Variants in PHLDB2 observed in about 807,000 individuals in gnomAD.
The protein encoded by PHLDB2 is pleckstrin homology-like domain family B member 2.
PHLDB2 carries 71 observed loss-of-function variants against 123.6 expected under a neutral mutation model. The observed-to-expected ratio is 0.57, with a 90% CI of 0.47 to 0.70. PHLDB2 has a LOEUF of 0.70. Among genes scored for constraint, PHLDB2 ranks in the 30% least tolerant of loss-of-function variants. The pLI, the probability that PHLDB2 is intolerant of heterozygous loss-of-function variation, is 0.00. For missense variants in PHLDB2, 1,446 were observed against 1,519.5 expected, an observed-to-expected ratio of 0.95 and a Z score of 0.80; for synonymous variants, 547 against 541.6, an observed-to-expected ratio of 1.01 and a Z score of -0.14.
intron 1 of PHLDB2, among the ~76,000 whole-genome samples, chr3:111,763,044 T>C (rs1013275069): frequency 6.6e-6 from 1 of 152,214 alleles, no homozygotes; most frequent in African/African-American, 2.4e-5. Context: ...TCCTTGCATG[T>C]CTCCCAGCAC....
chr3:111,766,821 T>A (rs1487335769), intron 1 of PHLDB2, among the ~76,000 whole-genome samples: 1 of 151,926 alleles, frequency 6.6e-6, no homozygotes, highest in African/African-American at 2.4e-5. Flanking sequence ...ACACCTGAGA[T>A]CAGGAGTTCA....
intron 2 of PHLDB2, among the ~76,000 whole-genome samples, chr3:111,912,013 C>CT (rs2067911106): frequency 6.6e-6 from 1 of 152,188 alleles, no homozygotes; most frequent in Non-Finnish European, 1.5e-5. Flanking sequence ...TCCAGTGATG[C>CT]TTAATATTTT....
intron 1 of PHLDB2, among the ~76,000 whole-genome samples, chr3:111,830,212 T>C (rs2062876444): frequency 6.6e-6 from 1 of 152,282 alleles, no homozygotes; most frequent in South Asian, 2.1e-4. Context: ...TCTATCAGAT[T>C]AGTGGTGGCA....
chr3:111,871,664 A>ACAAAC (rs11413311), intron 1 of PHLDB2, among the ~76,000 whole-genome samples: 1 of 151,858 alleles, frequency 6.6e-6, no homozygotes, highest in African/African-American at 2.4e-5. Context: ...AAACAAACAA[A>ACAAAC]AAAAACTCCA....
At position 111,859,324 on chromosome 3, in the gene PHLDB2, A is replaced by G. The variant is rs1465302303; in HGVS notation, c.-267A>G. 7.1e-6 allele frequency: 7 copies of G among 985,582 alleles called. 1 individual carries two copies. The African/African-American group carries it at 1.2e-4, about 17-fold the overall frequency. 61.1% of individuals were successfully genotyped at this position (985,582 alleles called of 1,614,324 possible). A position where few individuals can be genotyped will look rare whatever the true frequency, so the allele number is the denominator to read the frequency against. On this transcript the variant is annotated 5_prime_UTR_variant, in exon 1 of 18. It removes an upstream start codon present in the reference 5' UTR. Coordinates refer to ENST00000431670, the MANE Select transcript of PHLDB2 (RefSeq NM_001134438.2). Reference sequence around the variant, plus strand: ...GCGCCCAGTGATGGGGCAAACAGCCATGCCCTTCCAGCAGCCGTGAAAGCC... The same window carrying G: ...GCGCCCAGTGATGGGGCAAACAGCCGTGCCCTTCCAGCAGCCGTGAAAGCC...
intron 13 of PHLDB2, 107 bp downstream of exon 13, chr3:111,962,419 G>A: frequency 4.3e-6 from 4 of 934,262 alleles, no homozygotes; most frequent in Non-Finnish European, 4.8e-6. Context: ...CCAAATTTTT[G>A]AGACATAAAG....
intron 12 of PHLDB2, 123 bp from the exon 13 acceptor site, chr3:111,961,985 A>C (rs1249154703): frequency 1.1e-6 from 1 of 907,502 alleles, no homozygotes. Context: ...CTTCAAAACA[A>C]ATTAGACCAA....
At chr3:111,917,192 A>G (rs576122049) in intron 3 of PHLDB2, 18 of 152,306 alleles carry the variant, frequency 1.2e-4, no homozygotes, top group African/African-American at 4.3e-4. Flanking sequence ...CATTTCCTAG[A>G]TGGCATTTAT....
intron 1 of PHLDB2, among the ~76,000 whole-genome samples, chr3:111,815,975 G>C (rs1037193610): frequency 6.6e-6 from 1 of 152,196 alleles, no homozygotes; most frequent in African/African-American, 2.4e-5. Flanking sequence ...AGCCAACATA[G>C]AGCTTGGGCC....
chr3:111,961,268 T>C (rs928671949), intron 12 of PHLDB2, among the ~76,000 whole-genome samples: 1 of 152,056 alleles, frequency 6.6e-6, no homozygotes, highest in African/African-American at 2.4e-5. Context: ...GAGGTGGAGG[T>C]TGCAGTGAGC....
At chr3:111,876,223 G>T (rs1306158740) in intron 1 of PHLDB2, among the ~76,000 whole-genome samples, 2 of 152,130 alleles carry the variant, frequency 1.3e-5, no homozygotes, top group African/African-American at 4.8e-5. Flanking sequence ...AAATGAGGAA[G>T]GGGGTGCTAG....
At chr3:111,925,073 C>T (rs1250283488) in intron 5 of PHLDB2, among the ~76,000 whole-genome samples, 1 of 152,142 alleles carries the variant, frequency 6.6e-6, no homozygotes, top group Non-Finnish European at 1.5e-5. Context: ...AGGTGATCTG[C>T]CTGCCTTGGC....
chr3:111,817,102 C>T (rs144171149), intron 1 of PHLDB2, among the ~76,000 whole-genome samples: 1 of 152,278 alleles, frequency 6.6e-6, no homozygotes, highest in East Asian at 1.9e-4. Context: ...GTCCAATAAA[C>T]CTATTTCTTT....
upstream of PHLDB2, among the ~76,000 whole-genome samples, chr3:111,858,301 T>G: frequency 6.6e-6 from 1 of 150,764 alleles, no homozygotes; most frequent in African/African-American, 2.4e-5. Flanking sequence ...TGAGGCCTGT[T>G]GGGGGGTGGG....
chr3:111,769,667 T>G (rs2060141145), intron 1 of PHLDB2, among the ~76,000 whole-genome samples: 1 of 152,224 alleles, frequency 6.6e-6, no homozygotes. Context: ...GGTCTAAAAG[T>G]GCACTTTGTA....
intron 1 of PHLDB2, among the ~76,000 whole-genome samples, chr3:111,745,721 C>G (rs1438364175): frequency 6.6e-6 from 1 of 151,906 alleles, no homozygotes; most frequent in East Asian, 1.9e-4. Flanking sequence ...ATGTTCACAC[C>G]ACTGCCCTCC....
chr3:111,903,325 C>A (rs1012913469), intron 2 of PHLDB2, among the ~76,000 whole-genome samples: 1 of 152,154 alleles, frequency 6.6e-6, no homozygotes, highest in Non-Finnish European at 1.5e-5. Context: ...CTAGAAGCAA[C>A]TCCACTATAC....
intron 5 of PHLDB2, among the ~76,000 whole-genome samples, chr3:111,924,298 A>G (rs921429931): frequency 3.3e-5 from 5 of 152,242 alleles, no homozygotes; most frequent in Non-Finnish European, 5.9e-5. Context: ...CCTACTAGAC[A>G]TTTATATCCC....
intron 1 of PHLDB2, among the ~76,000 whole-genome samples, chr3:111,829,534 G>A (rs1398179128): frequency 1.4e-5 from 2 of 141,204 alleles, no homozygotes; most frequent in Non-Finnish European, 3.0e-5. Context: ...TATGATCTCA[G>A]CTCACTGCAA....
Sources: gnomAD v4.1 joint callset for allele counts (sites outside exome capture counted in the v4.1 genomes callset) on GRCh38, gnomAD v4.1.1 for gene constraint, MANE v1.5 for transcripts, NCBI Gene and HGNC (gene_info 2026-07-23, HGNC 2026-07-21) for gene names.